The following ARHGAP15 variants were observed in gnomAD, a reference collection of about 807,000 sequenced individuals.
ARHGAP15 encodes the protein Rho GTPase activating protein 15, also known as rho GTPase-activating protein 15.
Under a neutral mutation model 63.7 loss-of-function variants are expected in ARHGAP15, and 51 were observed. The ratio of observed to expected loss-of-function variants is 0.80; its 90% CI spans 0.64 to 1.01. The LOEUF is 1.01. Ranked by LOEUF, ARHGAP15 falls within the 50% of genes least tolerant of loss-of-function variation. The pLI is 0.00. For synonymous variants in ARHGAP15, 191 were observed against 193.8 expected (o/e 0.99, Z 0.12); for missense variants, 560 against 564.6 (o/e 0.99, Z 0.08).
At chr2:143,553,675 T>A (rs1408361584) in intron 10 of ARHGAP15, among the ~76,000 whole-genome samples, 1 of 152,238 alleles carries the variant, frequency 6.6e-6, no homozygotes, top group Non-Finnish European at 1.5e-5. Flanking sequence ...ATGTGATATG[T>A]CCAATCCATA....
chr2:143,232,072 G>A (rs72851535), intron 5 of ARHGAP15, among the ~76,000 whole-genome samples: 44 of 152,230 alleles, frequency 2.9e-4, no homozygotes, highest in Admixed American at 2.2e-3. Flanking sequence ...ATCAAAAGCA[G>A]CCTTACTGTG....
intron 13 of ARHGAP15, among the ~76,000 whole-genome samples, chr2:143,713,398 C>T (rs554920174): frequency 2.6e-5 from 4 of 152,086 alleles, no homozygotes; most frequent in Non-Finnish European, 5.9e-5. Context: ...TCCCATAGCA[C>T]GTGGAAATTC....
intron 6 of ARHGAP15, among the ~76,000 whole-genome samples, chr2:143,252,511 C>A (rs1002298243): frequency 6.6e-6 from 1 of 151,952 alleles, no homozygotes; most frequent in Non-Finnish European, 1.5e-5. Flanking sequence ...GTTCATGGGG[C>A]CTCAGTCTTC....
rs542160889 is a variant in ARHGAP15 at position 143,693,939 on chromosome 2, GT to G, written c.1139-9479del. Among the ~76,000 whole-genome samples, 13 of 152,260 alleles carry G rather than the reference GT, an allele frequency of 8.5e-5. No homozygotes were observed. The East Asian group carries it at 2.5e-3, about 29-fold the overall frequency. On this transcript the variant is annotated intron_variant, in intron 12 of 13. Transcript: ENST00000295095. The stretch of plus-strand genomic sequence containing the variant: ...ATAAGAAATTTTGTCTGATCTACTG[GT>G]AAATATTCTATTGACAAGGTCAAGA...
At chr2:143,749,379 A>G (rs1390892858) in intron 13 of ARHGAP15, among the ~76,000 whole-genome samples, 6 of 152,214 alleles carry the variant, frequency 3.9e-5, no homozygotes, top group African/African-American at 1.4e-4. Flanking sequence ...TGATCACACG[A>G]AAACGATCTT....
chr2:143,152,692 A>G (rs948171971), intron 1 of ARHGAP15, among the ~76,000 whole-genome samples: 5 of 152,126 alleles, frequency 3.3e-5, no homozygotes, highest in South Asian at 4.1e-4. Flanking sequence ...GGTCTGCAAA[A>G]TTAGAAATCC....
chr2:143,765,245 CT>C (rs1039417229), intron 13 of ARHGAP15, among the ~76,000 whole-genome samples: 1 of 151,716 alleles, frequency 6.6e-6, no homozygotes, highest in Non-Finnish European at 1.5e-5. Context: ...TTACTAATGG[CT>C]TTTATAATAG....
intron 11 of ARHGAP15, among the ~76,000 whole-genome samples, chr2:143,597,491 T>C (rs1015382094): frequency 6.6e-6 from 1 of 152,086 alleles, no homozygotes; most frequent in African/African-American, 2.4e-5. Context: ...TCTCTCAAGA[T>C]GCCAGTCGCC....
rs531006479 is a variant in ARHGAP15 at position 143,243,022 on chromosome 2, C to G, written c.385-7489C>G. Among the ~76,000 whole-genome samples the G allele has an allele frequency of 1.1e-4, 17 of 152,244 alleles. 1 individual carries two copies. In the South Asian group the frequency reaches 1.9e-3, roughly 17 times the overall value. On this transcript the variant is annotated intron_variant, in intron 5 of 13. Transcript: ENST00000295095. ...AATAACCTATTTCATAAAATCCGAG[C>G]TTTGTCTCTCTTTTTGAACCACATC...
At chr2:143,349,106 G>T (rs548491495) in intron 6 of ARHGAP15, among the ~76,000 whole-genome samples, 112 of 152,214 alleles carry the variant, frequency 7.4e-4, no homozygotes, top group Non-Finnish European at 1.3e-3. Context: ...ACCCTCCAAA[G>T]TTTCTTTTAT....
At chr2:143,363,375 A>C (rs1686146494) in intron 6 of ARHGAP15, among the ~76,000 whole-genome samples, 1 of 152,138 alleles carries the variant, frequency 6.6e-6, no homozygotes, top group Non-Finnish European at 1.5e-5. Context: ...CCCTGTCTCT[A>C]CTAAAAATAC....
chr2:143,169,223 TG>T (rs1234620920), intron 2 of ARHGAP15, among the ~76,000 whole-genome samples: 2 of 152,064 alleles, frequency 1.3e-5, no homozygotes, highest in Non-Finnish European at 2.9e-5. Flanking sequence ...TTCTGGCATC[TG>T]GGGCTGGTTC....
At chr2:143,309,367 A>G (rs1030325637) in intron 6 of ARHGAP15, among the ~76,000 whole-genome samples, 2 of 143,126 alleles carry the variant, frequency 1.4e-5, no homozygotes, top group Admixed American at 7.0e-5. Flanking sequence ...CTAAAATCTC[A>G]GAGTCAAGAA....
chr2:143,504,942 T>G (rs1347488894), intron 9 of ARHGAP15, among the ~76,000 whole-genome samples: 1 of 152,192 alleles, frequency 6.6e-6, no homozygotes, highest in Non-Finnish European at 1.5e-5. Flanking sequence ...ACAGAAAGGC[T>G]GTTCTCCTCC....
intron 12 of ARHGAP15, among the ~76,000 whole-genome samples, chr2:143,695,415 G>A (rs1683798325): frequency 6.6e-6 from 1 of 152,142 alleles, no homozygotes; most frequent in African/African-American, 2.4e-5. Flanking sequence ...ATTGCTGCTG[G>A]AGTGTCAGCC....
intron 11 of ARHGAP15, among the ~76,000 whole-genome samples, chr2:143,588,886 A>G (rs1697211987): frequency 6.6e-6 from 1 of 152,138 alleles, no homozygotes; most frequent in Non-Finnish European, 1.5e-5. Flanking sequence ...ATTTGTTTTC[A>G]TATTTGTTGT....
chr2:143,638,302 C>A (rs1156309223), intron 12 of ARHGAP15, among the ~76,000 whole-genome samples: 1 of 147,220 alleles, frequency 6.8e-6, no homozygotes, highest in Non-Finnish European at 1.5e-5. Context: ...ACATATACAC[C>A]ATGGAATACT....
chr2:143,300,158 AACCTGAT>A (rs1454495444), intron 6 of ARHGAP15, among the ~76,000 whole-genome samples: 2 of 152,026 alleles, frequency 1.3e-5, no homozygotes, highest in Non-Finnish European at 1.5e-5. Flanking sequence ...GAGTGTGATT[AACCTGAT>A]ACCTATGTAG....
In ARHGAP15 at chr2:143,737,445, T is replaced by C. The variant is rs562148887; in HGVS notation, c.1245-30544T>C. On this transcript the variant is annotated intron_variant, in intron 13 of 13. Transcript: ENST00000295095. ...CATGTATTGGGCAGAGAAAGCAATG[T>C]AAACTGAAAATGTAGAACATGAGGA... 2.0e-5 allele frequency among the ~76,000 whole-genome samples: 3 copies of C among 152,334 alleles called. No individual in the cohort carries two copies. In the South Asian group the frequency reaches 6.2e-4, roughly 32 times the overall value.
Sources: gnomAD v4.1 joint callset for allele counts (sites outside exome capture counted in the v4.1 genomes callset) on GRCh38, gnomAD v4.1.1 for gene constraint, MANE v1.5 for transcripts, NCBI Gene and HGNC (gene_info 2026-07-23, HGNC 2026-07-21) for gene names.